The following DMD variants were observed in gnomAD, a reference collection of about 807,000 sequenced individuals.
DMD encodes the protein dystrophin, also known as mutant dystrophin.
In DMD, 63 loss-of-function variants were observed where a neutral mutation model predicts 330.1. The observed-to-expected ratio is 0.19, with a 90% confidence interval of 0.16 to 0.24. The LOEUF is 0.24. Ranked by LOEUF, DMD falls within the 10% of genes least tolerant of loss-of-function variation. The probability of loss-of-function intolerance (pLI) is 1.00; values close to 1 mark genes in which losing one functional copy is unlikely to be tolerated. For missense variants in DMD, 3,344 were observed against 2,684.1 expected (o/e 1.25, Z -5.43); for synonymous variants, 1,223 against 959.8 (o/e 1.27, Z -5.07).
intron 51 of DMD, among the ~76,000 whole-genome samples, chrX:31,751,161 G>A (rs1431427497): frequency 9.2e-6 from 1 of 108,570 alleles, no homozygotes; most frequent in Non-Finnish European, 1.9e-5. Context: ...AAGTTCATAT[G>A]GAACCAAAAA....
chrX:32,743,286 G>A lies in DMD; in HGVS notation c.650-43993C>T, dbSNP rs141075138. On this transcript the variant is annotated intron_variant, in intron 7 of 78. Transcript: ENST00000357033. The stretch of plus-strand genomic sequence containing the variant: ...CTTCAAGTCCCCAGTCAAATTGAGC[G>A]CCAGTTGTCCACCACAGTTTAAACT... Among the ~76,000 whole-genome samples, 319 of 111,160 alleles carry A rather than the reference G, an allele frequency of 2.9e-3. 1 individual carries two copies. Among genetic ancestry groups the A allele is most frequent in the African/African-American group, 9.2e-3 (283 of 30,627 alleles).
intron 16 of DMD, among the ~76,000 whole-genome samples, chrX:32,548,831 C>A (rs1237062715): frequency 9.0e-6 from 1 of 111,214 alleles, no homozygotes; most frequent in African/African-American, 3.3e-5. Flanking sequence ...TCACTCAATG[C>A]ATTAGAATGA....
intron 55 of DMD, among the ~76,000 whole-genome samples, chrX:31,577,731 T>A (rs2076169641): frequency 8.9e-6 from 1 of 111,745 alleles, no homozygotes; most frequent in Admixed American, 9.5e-5. Flanking sequence ...ACTTGACTTG[T>A]AAAACAAAGA....
At chrX:32,391,054 A>AT (rs764472003) in intron 30 of DMD, among the ~76,000 whole-genome samples, 1 of 111,957 alleles carries the variant, frequency 8.9e-6, no homozygotes, top group Admixed American at 9.6e-5. Flanking sequence ...TATATTCTGC[A>AT]TTTAACATAT....
intron 42 of DMD, 106 bp from the exon 43 acceptor site, chrX:32,287,807 A>C: frequency 3.7e-6 from 2 of 542,057 alleles, no homozygotes; most frequent in Non-Finnish European, 5.5e-6. Context: ...ATGGTGTTGC[A>C]ATTCTTAATT....
chrX:33,259,609 CA>C (rs202121417), intron 1 of DMD, among the ~76,000 whole-genome samples: 5,234 of 56,604 alleles, frequency 0.092, 854 homozygotes, highest in East Asian at 0.42. Context: ...CCCCCCCCCC[CA>C]AAAAAAAAAA....
intron 52 of DMD, among the ~76,000 whole-genome samples, chrX:31,726,286 A>T (rs1356535446): frequency 4.4e-5 from 5 of 112,467 alleles, no homozygotes; most frequent in Non-Finnish European, 9.4e-5. Context: ...TATTTCTAGT[A>T]GACATAAATA....
chrX:31,130,640 CA>C (rs1199696564), intron 77 of DMD, among the ~76,000 whole-genome samples: 1 of 111,952 alleles, frequency 8.9e-6, no homozygotes, highest in Non-Finnish European at 1.9e-5. Context: ...AGAAGCATGC[CA>C]CTCATTTATT....
At chrX:31,846,868 A>G (rs1413373000) in intron 48 of DMD, among the ~76,000 whole-genome samples, 1 of 111,804 alleles carries the variant, frequency 8.9e-6, no homozygotes, top group Admixed American at 9.5e-5. Flanking sequence ...TTTCCTTAAG[A>G]CATCCACATA....
intron 17 of DMD, among the ~76,000 whole-genome samples, chrX:32,537,053 A>C (rs748705025): frequency 9.0e-6 from 1 of 111,680 alleles, no homozygotes; most frequent in South Asian, 3.7e-4. Context: ...TAACAGGTAC[A>C]TTTGGAGGGA....
chrX:32,134,880 C>T (rs941077508), intron 44 of DMD, among the ~76,000 whole-genome samples: 1 of 111,839 alleles, frequency 8.9e-6, no homozygotes, highest in African/African-American at 3.2e-5. Flanking sequence ...GATATAAATT[C>T]CATGGGTGCA....
chrX:31,530,672 T>A (rs1172159866), intron 55 of DMD, among the ~76,000 whole-genome samples: 105 of 60,157 alleles, frequency 1.7e-3, no homozygotes, highest in African/African-American at 2.6e-3. Context: ...TTTTTTTTAA[T>A]TTTTTTTTTT....
intron 50 of DMD, among the ~76,000 whole-genome samples, chrX:31,793,034 C>T (rs866798947): frequency 0.015 from 1,698 of 110,884 alleles, 40 homozygotes; most frequent in African/African-American, 0.053. Context: ...GGAAGGGGAG[C>T]TGAAAAGGGG....
intron 44 of DMD, among the ~76,000 whole-genome samples, chrX:31,973,550 C>T (rs6631448): frequency 9.0e-6 from 1 of 110,736 alleles, no homozygotes; most frequent in Non-Finnish European, 1.9e-5. Context: ...CTCCCCACTG[C>T]CTTCTCGGCT....
intron 7 of DMD, among the ~76,000 whole-genome samples, chrX:32,723,791 T>C (rs1307556900): frequency 1.8e-5 from 2 of 110,589 alleles, no homozygotes; most frequent in Non-Finnish European, 3.8e-5. Flanking sequence ...GTATGTAATC[T>C]TTTGGCTTCC....
At chrX:32,786,349 G>T (rs1195338728) in intron 7 of DMD, among the ~76,000 whole-genome samples, 1 of 110,044 alleles carries the variant, frequency 9.1e-6, no homozygotes, top group African/African-American at 3.3e-5. Flanking sequence ...GGAAATATTT[G>T]AGATAGTGAG....
chrX:32,804,664 G>T lies in DMD; in HGVS notation c.649+4829C>A, dbSNP rs763175816. On this transcript the variant is annotated intron_variant, in intron 7 of 78. Transcript: ENST00000357033. The stretch of plus-strand genomic sequence containing the variant: ...CTTCTCAAGTGGGGCCCTGACCCCC[G>T]TGCCTCCTGCCTAGGAGATGCCTCC... Among the ~76,000 whole-genome samples, 11 of 112,397 alleles carry T rather than the reference G, an allele frequency of 9.8e-5. No individual in the cohort carries two copies. In the Admixed American group the frequency reaches 1.0e-3, roughly 11 times the overall value.
intron 59 of DMD, among the ~76,000 whole-genome samples, chrX:31,445,808 G>T (rs936272148): frequency 9.0e-6 from 1 of 111,614 alleles, no homozygotes; most frequent in Non-Finnish European, 1.9e-5. Context: ...ATATTACCAC[G>T]CCTCATATCT....
chrX:32,479,238 G>A (rs1437663610), intron 21 of DMD, among the ~76,000 whole-genome samples: 1 of 110,625 alleles, frequency 9.0e-6, no homozygotes, highest in Non-Finnish European at 1.9e-5. Flanking sequence ...TATTCACTCA[G>A]GTTAATTAAC....
Sources: gnomAD v4.1 joint callset for allele counts (sites outside exome capture counted in the v4.1 genomes callset) on GRCh38, gnomAD v4.1.1 for gene constraint, MANE v1.5 for transcripts, NCBI Gene and HGNC (gene_info 2026-07-23, HGNC 2026-07-21) for gene names.